Variants in C1orf94 observed in about 807,000 individuals in gnomAD.
The protein encoded by C1orf94 is uncharacterized protein C1orf94.
In C1orf94, 45 loss-of-function variants were observed where a neutral mutation model predicts 53.6. The ratio of observed to expected loss-of-function variants is 0.84; its 90% CI spans 0.66 to 1.08. The LOEUF (loss-of-function observed/expected upper bound fraction) is 1.08, where lower values mean the gene tolerates loss of function less well. C1orf94 is among the 50% of genes least tolerant of loss of function. The probability of loss-of-function intolerance (pLI) is 0.00; values close to 1 mark genes in which losing one functional copy is unlikely to be tolerated. For synonymous variants in C1orf94, 304 were observed against 296.1 expected, an observed-to-expected ratio of 1.03 and a Z score of -0.27; for missense variants, 762 against 738.9, an observed-to-expected ratio of 1.03 and a Z score of -0.36.
chr1:34,211,682 C>T (rs565630237), intron 5 of C1orf94, among the ~76,000 whole-genome samples: 23 of 152,244 alleles, frequency 1.5e-4, no homozygotes, highest in South Asian at 1.0e-3. Context: ...CCATGTCACA[C>T]GGCACAGATG....
chr1:34,207,360 T>A (rs1452865024), intron 4 of C1orf94, among the ~76,000 whole-genome samples: 2 of 152,012 alleles, frequency 1.3e-5, no homozygotes, highest in Non-Finnish European at 2.9e-5. Context: ...GAGTAAAATG[T>A]CAATTTCCCA....
intron 1 of C1orf94, among the ~76,000 whole-genome samples, chr1:34,179,578 C>A (rs1254294889): frequency 6.6e-6 from 1 of 152,236 alleles, no homozygotes; most frequent in African/African-American, 2.4e-5. Flanking sequence ...CTCCATTTGG[C>A]CTTTACTTCC....
At chr1:34,217,697 A>G (rs937175732) in intron 6 of C1orf94, among the ~76,000 whole-genome samples, 1 of 152,246 alleles carries the variant, frequency 6.6e-6, no homozygotes, top group Non-Finnish European at 1.5e-5. Context: ...CTGCTGAGGC[A>G]CTACAAATGA....
At chr1:34,213,075 A>T (rs559211415) in intron 6 of C1orf94, among the ~76,000 whole-genome samples, 8 of 152,310 alleles carry the variant, frequency 5.3e-5, no homozygotes, top group Non-Finnish European at 1.2e-4. Flanking sequence ...ATAGCCATTC[A>T]TTCCCACCCA....
At chr1:34,208,100 A>C (rs41266413) in intron 4 of C1orf94, 57 bp from the exon 5 acceptor site, 130,097 of 1,550,958 alleles carry the variant, frequency 0.084, 7,525 homozygotes, top group African/African-American at 0.25. Flanking sequence ...TGAGTAGCTG[A>C]TGCCTTCTGG....
In C1orf94 at chr1:34,167,718, C is replaced by G. The variant is rs117441548; in HGVS notation, c.-251+547C>G. Among the ~76,000 whole-genome samples, 579 of 151,928 alleles carry G rather than the reference C, an allele frequency of 3.8e-3. 11 individuals are homozygous for G. The East Asian group carries it at 0.044, about 12-fold the overall frequency. On this transcript the variant is annotated intron_variant, in intron 1 of 6. Transcript: ENST00000373374. ...TGCAGGCCAGAGGTGGAAACCCACACGTAACTGATACCGTCAGACAGCGAT... is the reference window on the plus strand; with the variant it reads ...TGCAGGCCAGAGGTGGAAACCCACAGGTAACTGATACCGTCAGACAGCGAT...
chr1:34,199,736 C>T (rs913063825), intron 2 of C1orf94, among the ~76,000 whole-genome samples: 5 of 152,234 alleles, frequency 3.3e-5, no homozygotes, highest in African/African-American at 9.6e-5. Context: ...AGAATAAATG[C>T]TCAGTCTCTT....
intron 4 of C1orf94, among the ~76,000 whole-genome samples, chr1:34,203,120 G>C (rs1642739084): frequency 6.6e-6 from 1 of 151,978 alleles, no homozygotes; most frequent in Non-Finnish European, 1.5e-5. Context: ...GTATATCAGG[G>C]ACTAGATCAT....
At chr1:34,178,232 CT>C (rs1257137305) in intron 1 of C1orf94, 123 bp downstream of exon 1, 3 of 1,034,346 alleles carry the variant, frequency 2.9e-6, no homozygotes, top group Non-Finnish European at 4.1e-6. Context: ...ATATTGCCCC[CT>C]CCATGGTCCT....
chr1:34,204,413 G>A (rs1356148285), intron 4 of C1orf94, among the ~76,000 whole-genome samples: 2 of 152,188 alleles, frequency 1.3e-5, no homozygotes, highest in East Asian at 3.9e-4. Flanking sequence ...GGAGGTGAGA[G>A]GTTGTGATGA....
chr1:34,174,305 G>A (rs1382227743), upstream of C1orf94, among the ~76,000 whole-genome samples: 1 of 152,194 alleles, frequency 6.6e-6, no homozygotes, highest in Non-Finnish European at 1.5e-5. Flanking sequence ...ACGTTTATCT[G>A]TCAGTTGTTG....
In C1orf94 at chr1:34,206,191, C is replaced by T. The variant is rs559988182; in HGVS notation, c.1447-1966C>T. On this transcript the variant is annotated intron_variant, in intron 4 of 6. Transcript: ENST00000488417. ...GCTGTAGAAAGCAAGGGGCACCTTC[C>T]TCCCTGGTGCTCCCAGGAGGACCAG... 2.2e-4 allele frequency among the ~76,000 whole-genome samples: 34 copies of T among 152,204 alleles called. 1 individual carries two copies. Among genetic ancestry groups the T allele is most frequent in the Admixed American group, 2.0e-3 (31 of 15,300 alleles).
At chr1:34,182,574 T>C (rs1008308656) in intron 1 of C1orf94, among the ~76,000 whole-genome samples, 5 of 152,124 alleles carry the variant, frequency 3.3e-5, no homozygotes, top group African/African-American at 4.8e-5. Context: ...TAGGAGTGAC[T>C]GCAGTAGGGA....
intron 5 of C1orf94, 29 bp from the exon 6 acceptor site, chr1:34,212,181 C>T: frequency 6.4e-7 from 1 of 1,574,586 alleles, no homozygotes. Context: ...GAATGGTGAC[C>T]TCACCCCTCT....
intron 1 of C1orf94, among the ~76,000 whole-genome samples, chr1:34,171,540 G>A (rs1259149350): frequency 6.6e-6 from 1 of 152,182 alleles, no homozygotes; most frequent in East Asian, 1.9e-4. Context: ...ATCTCTTCTA[G>A]ACTTCATTAT....
At chr1:34,213,256 C>T (rs1243527631) in intron 6 of C1orf94, among the ~76,000 whole-genome samples, 1 of 152,172 alleles carries the variant, frequency 6.6e-6, no homozygotes, top group Admixed American at 6.5e-5. Context: ...ATCCTTCCAC[C>T]TCCCCATCAC....
At chr1:34,207,597 T>C (rs1209257042) in intron 4 of C1orf94, among the ~76,000 whole-genome samples, 1 of 152,170 alleles carries the variant, frequency 6.6e-6, no homozygotes, top group Non-Finnish European at 1.5e-5. Flanking sequence ...GTTGTATATT[T>C]GTACACAGAA....
Position 34,197,003 on chromosome 1 carries a change from CA to C in C1orf94, c.321-221del. 6.6e-6 allele frequency among the ~76,000 whole-genome samples: 1 copy of C among 152,294 alleles called. No individual in the cohort carries two copies. The highest frequency in any genetic ancestry group is 2.1e-4 in the South Asian group (1 of 4,824). The stretch of plus-strand genomic sequence containing the variant: ...TCAGCAAGGTTGTTGGGAGAGGATC[CA>C]GGTTTCCCCATTTTTCAAAACCATG... On this transcript the variant is annotated intron_variant, in intron 1 of 6. Transcript: ENST00000488417. This position sits in a 1 kb window ranked among gnomAD's most constrained non-coding sequence, Gnocchi z 4.1.
chr1:34,175,205 T>A (rs1436911022), upstream of C1orf94, among the ~76,000 whole-genome samples: 2 of 151,508 alleles, frequency 1.3e-5, no homozygotes, highest in Non-Finnish European at 2.9e-5. Context: ...TTTTTTTTTT[T>A]TTTTTGCAGT....
Sources: allele counts gnomAD v4.1 joint callset (sites outside exome capture counted in the v4.1 genomes callset), GRCh38; gene constraint gnomAD v4.1.1; non-coding constraint Gnocchi (gnomAD v3.1); transcripts MANE v1.5; gene names NCBI Gene and HGNC (gene_info 2026-07-23, HGNC 2026-07-21).